RBFOX2: variants seen among roughly 807,000 people sequenced by gnomAD.
The protein encoded by RBFOX2 is RNA binding fox-1 homolog 2.
In RBFOX2, 10 loss-of-function variants were observed where a neutral mutation model predicts 49.1. The observed-to-expected ratio is 0.20, with a 90% confidence interval of 0.13 to 0.35. The LOEUF (loss-of-function observed/expected upper bound fraction) is 0.35. Ranked by LOEUF, RBFOX2 falls within the 10% of genes least tolerant of loss-of-function variation. The pLI, the probability that RBFOX2 is intolerant of heterozygous loss-of-function variation, is 1.00. For missense variants in RBFOX2, 323 were observed against 486.9 expected, an observed-to-expected ratio of 0.66 and a Z score of 3.17; for synonymous variants, 183 against 187.4, an observed-to-expected ratio of 0.98 and a Z score of 0.19.
At chr22:35,835,312 C>A (rs551854028) in intron 1 of RBFOX2, among the ~76,000 whole-genome samples, 3 of 152,124 alleles carry the variant, frequency 2.0e-5, no homozygotes, top group Admixed American at 6.5e-5. Context: ...TAAGGGGGGG[C>A]TGTATCACCT....
intron 9 of RBFOX2, among the ~76,000 whole-genome samples, chr22:35,754,203 T>C (rs111619228): frequency 6.2e-4 from 94 of 151,724 alleles, no homozygotes; most frequent in Middle Eastern, 6.8e-3. Context: ...GCCATTCTCC[T>C]ACATCAGCCT....
At chr22:35,808,187 A>G (rs1951120529) in intron 2 of RBFOX2, among the ~76,000 whole-genome samples, 1 of 152,200 alleles carries the variant, frequency 6.6e-6, no homozygotes, top group Non-Finnish European at 1.5e-5. Flanking sequence ...TTAAAAAGTT[A>G]TTTGGAAATG....
At chr22:35,742,048 TTCCCTAGAA>T (rs1930234321) in exon 12 of RBFOX2, 5 of 152,130 alleles carry the variant, frequency 3.3e-5, no homozygotes, top group African/African-American at 4.8e-5. Context: ...CCTGCCCCCA[TTCCCTAGAA>T]CTGTGAAAGC....
chr22:35,956,650 C>T (rs770235498), intron 1 of RBFOX2, among the ~76,000 whole-genome samples: 4 of 152,100 alleles, frequency 2.6e-5, no homozygotes, highest in Non-Finnish European at 4.4e-5. Flanking sequence ...TGAGCCACTG[C>T]GCCTGGCCAC....
chr22:35,810,784 T>C (rs1603250421), intron 1 of RBFOX2, among the ~76,000 whole-genome samples: 1 of 152,220 alleles, frequency 6.6e-6, no homozygotes, highest in African/African-American at 2.4e-5. Context: ...TATGCACTTA[T>C]ATTCTCATGA....
chr22:35,994,413 A>ATTTTTTTT (rs566321525), intron 1 of RBFOX2: 20 of 149,962 alleles, frequency 1.3e-4, no homozygotes, highest in Admixed American at 4.0e-4. Context: ...TTATTTATTT[A>ATTTTTTTT]TTTATTTTTT....
At chr22:35,960,255 TA>T (rs2056050632) in intron 1 of RBFOX2, among the ~76,000 whole-genome samples, 1 of 152,184 alleles carries the variant, frequency 6.6e-6, no homozygotes. Flanking sequence ...TTAGCTTACT[TA>T]GTCCTCAAAC....
chr22:35,752,700 G>A, intron 9 of RBFOX2: 1 of 939,468 alleles, frequency 1.1e-6, no homozygotes, highest in Non-Finnish European at 1.3e-6. Flanking sequence ...CACAGCTGTG[G>A]AAGGAAAACA....
At chr22:35,943,224 T>C (rs1439915455), upstream of RBFOX2, among the ~76,000 whole-genome samples, 3 of 152,176 alleles carry the variant, frequency 2.0e-5, no homozygotes, top group Non-Finnish European at 2.9e-5. Flanking sequence ...TCAGAGATGA[T>C]TATGATTATC....
intron 1 of RBFOX2, among the ~76,000 whole-genome samples, chr22:35,815,048 G>A (rs776653882): frequency 1.1e-4 from 17 of 152,184 alleles, no homozygotes; most frequent in Non-Finnish European, 2.4e-4. Flanking sequence ...CCATTCAACA[G>A]TCTATTGCCT....
upstream of RBFOX2, among the ~76,000 whole-genome samples, chr22:35,962,100 C>CA (rs2056259813): frequency 6.6e-6 from 1 of 152,210 alleles, no homozygotes; most frequent in Admixed American, 6.5e-5. Flanking sequence ...CTGAACATCA[C>CA]AGTGTTCCGC....
chr22:35,885,040 A>G (rs1220337541), intron 1 of RBFOX2, among the ~76,000 whole-genome samples: 3 of 152,172 alleles, frequency 2.0e-5, no homozygotes, highest in African/African-American at 7.2e-5. Flanking sequence ...CAAACATCCA[A>G]TATTAGAGCA....
At chr22:35,799,705 T>C (rs1949421585) in intron 2 of RBFOX2, among the ~76,000 whole-genome samples, 1 of 152,100 alleles carries the variant, frequency 6.6e-6, no homozygotes, top group African/African-American at 2.4e-5. Context: ...CCCAGCACTC[T>C]GGGATGCTGA....
intron 1 of RBFOX2, among the ~76,000 whole-genome samples, chr22:35,869,959 A>G (rs1357954465): frequency 1.3e-5 from 2 of 152,206 alleles, no homozygotes; most frequent in Non-Finnish European, 2.9e-5. Flanking sequence ...TAGAGGTTTA[A>G]ATTTTTTTGA....
At chr22:35,866,872 A>G (rs936766955) in intron 1 of RBFOX2, among the ~76,000 whole-genome samples, 16 of 152,222 alleles carry the variant, frequency 1.1e-4, no homozygotes, top group Non-Finnish European at 4.4e-5. Flanking sequence ...TACCCTGGCC[A>G]GGCTCTAACC....
chr22:35,962,528 C>T (rs1478329313), upstream of RBFOX2, among the ~76,000 whole-genome samples: 3 of 152,158 alleles, frequency 2.0e-5, no homozygotes, highest in Non-Finnish European at 4.4e-5. Flanking sequence ...CAGATGTTAA[C>T]AATCCCCAGA....
chr22:35,840,253 A>G, exon 1 of RBFOX2: 4 of 1,614,138 alleles, frequency 2.5e-6, no homozygotes, highest in Non-Finnish European at 3.4e-6. Flanking sequence ...CTTTCAAAGC[A>G]GCCGTGCTGG....
intron 2 of RBFOX2, among the ~76,000 whole-genome samples, chr22:35,804,597 A>G (rs1351828751): frequency 6.6e-6 from 1 of 152,140 alleles, no homozygotes; most frequent in Non-Finnish European, 1.5e-5. Flanking sequence ...GGTCCATGGG[A>G]TGACATATTT....
chr22:35,850,190 T>A (rs933127598), intron 1 of RBFOX2, among the ~76,000 whole-genome samples: 11 of 34,494 alleles, frequency 3.2e-4, no homozygotes, highest in Middle Eastern at 0.026. Context: ...TGTCTCTCTC[T>A]CATACACACA....
Sources: gnomAD v4.1 joint callset for allele counts (sites outside exome capture counted in the v4.1 genomes callset) on GRCh38, gnomAD v4.1.1 for gene constraint, MANE v1.5 for transcripts, NCBI Gene and HGNC (gene_info 2026-07-23, HGNC 2026-07-21) for gene names.